Variants in CSMD3 observed in about 807,000 individuals in gnomAD.
CSMD3 encodes CUB and sushi domain-containing protein 3.
In CSMD3, 177 loss-of-function variants were observed where a neutral mutation model predicts 435.2. The observed-to-expected ratio is 0.41, with a 90% CI of 0.36 to 0.46. The LOEUF is 0.46. Ranked by LOEUF, CSMD3 falls within the 20% of genes least tolerant of loss-of-function variation. The probability of loss-of-function intolerance (pLI) is 0.34; values close to 1 mark genes in which losing one functional copy is unlikely to be tolerated. For synonymous variants in CSMD3, 1,656 were observed against 1,520.5 expected (o/e 1.09, Z -2.07); for missense variants, 4,265 against 4,504.6 (o/e 0.95, Z 1.52).
At chr8:112,951,783 A>C (rs1274308579) in intron 8 of CSMD3, among the ~76,000 whole-genome samples, 1 of 151,764 alleles carries the variant, frequency 6.6e-6, no homozygotes, top group African/African-American at 2.4e-5. Flanking sequence ...TTTGAAGAAT[A>C]AGAAAGAAAA....
rs1298130803 is a variant in CSMD3, at chr8:112,503,974, A to G, written c.4899T>C (p.Phe1633=). 6.3e-7 allele frequency: 1 copy of G among 1,577,138 alleles called. No homozygotes were observed. The highest frequency in any genetic ancestry group is 8.7e-7 in the Non-Finnish European group (1 of 1,150,128). The change falls in exon 30 of 71, where the codon TTT becomes TTC. Residue 1633 remains phenylalanine (F), a synonymous_variant. Coordinates refer to ENST00000297405, the MANE Select transcript of CSMD3 (RefSeq NM_198123.2). ...GGAAGTCATAGTTTGGTTCTATGCT[A>G]AAACTGAAAAAAAAAAGGAAAGAAC... ...DYVISLAFIS[F]SIEPNYDFLY... is the part of the protein sequence containing the mutation.
At chr8:112,770,794 A>T (rs2078094281) in intron 13 of CSMD3, among the ~76,000 whole-genome samples, 1 of 152,024 alleles carries the variant, frequency 6.6e-6, no homozygotes, top group East Asian at 1.9e-4. Flanking sequence ...TTTTGAGAAA[A>T]GAATGAGACT....
chr8:113,060,671 A>C (rs2088574215), intron 5 of CSMD3, among the ~76,000 whole-genome samples: 1 of 152,092 alleles, frequency 6.6e-6, no homozygotes, highest in Non-Finnish European at 1.5e-5. Context: ...AAAAATATTA[A>C]GTTCATATTA....
chr8:112,337,259 T>C (rs1438491085), intron 43 of CSMD3, among the ~76,000 whole-genome samples: 2 of 152,150 alleles, frequency 1.3e-5, no homozygotes, highest in African/African-American at 4.8e-5. Context: ...ATGACTTAAA[T>C]GCATACAAAC....
chr8:112,943,947 T>A (rs1402980851), intron 9 of CSMD3, among the ~76,000 whole-genome samples: 1 of 151,692 alleles, frequency 6.6e-6, no homozygotes, highest in African/African-American at 2.4e-5. Flanking sequence ...GAGTTTATCA[T>A]ACTTTTGCAC....
chr8:112,620,166 G>A (rs976870091), intron 22 of CSMD3, among the ~76,000 whole-genome samples: 2 of 151,950 alleles, frequency 1.3e-5, no homozygotes, highest in Admixed American at 6.6e-5. Context: ...TCAGGTCATA[G>A]GAAAAAAATA....
At chr8:113,381,305 A>G (rs1260225194) in intron 1 of CSMD3, among the ~76,000 whole-genome samples, 1 of 152,174 alleles carries the variant, frequency 6.6e-6, no homozygotes, top group Non-Finnish European at 1.5e-5. Flanking sequence ...AAAATGAAGC[A>G]TTTATATATG....
intron 2 of CSMD3, among the ~76,000 whole-genome samples, chr8:113,294,165 G>A (rs182638977): frequency 6.6e-6 from 1 of 151,888 alleles, no homozygotes; most frequent in Non-Finnish European, 1.5e-5. Flanking sequence ...TAGCTAATTA[G>A]GAACATGAAA....
chr8:112,771,252 T>C (rs2078106648), intron 13 of CSMD3, among the ~76,000 whole-genome samples: 1 of 151,954 alleles, frequency 6.6e-6, no homozygotes, highest in South Asian at 2.1e-4. Flanking sequence ...TTTTAAAGTG[T>C]GTGGGGGCAG....
At chr8:112,545,022 A>G (rs1827018408) in intron 27 of CSMD3, among the ~76,000 whole-genome samples, 1 of 152,166 alleles carries the variant, frequency 6.6e-6, no homozygotes, top group African/African-American at 2.4e-5. Context: ...TCTGTAAATC[A>G]ACTGCTCAGT....
At chr8:112,731,292 T>C (rs1301429417) in intron 13 of CSMD3, among the ~76,000 whole-genome samples, 2 of 152,112 alleles carry the variant, frequency 1.3e-5, no homozygotes, top group Non-Finnish European at 2.9e-5. Context: ...GTGATAGTCA[T>C]TTTTTAAAAA....
In CSMD3 at chr8:113,118,526, G is replaced by A. The variant is rs150216592; in HGVS notation, c.710-19563C>T. 2.1e-3 allele frequency among the ~76,000 whole-genome samples: 327 copies of A among 152,218 alleles called. 4 individuals are homozygous for A. Among genetic ancestry groups the A allele is most frequent in the Non-Finnish European group, 2.8e-3 (190 of 68,014 alleles). ...GTAAAATTATTACTGACTGGGCATG[G>A]TGGCTAACATCTGTAATCCCAAAAC... On this transcript the variant is annotated intron_variant, in intron 4 of 70. Coordinates refer to ENST00000297405, the MANE Select transcript of CSMD3 (RefSeq NM_198123.2).
chr8:113,019,537 AT>A (rs1169860373), intron 5 of CSMD3, among the ~76,000 whole-genome samples: 1 of 148,792 alleles, frequency 6.7e-6, no homozygotes, highest in Non-Finnish European at 1.5e-5. Flanking sequence ...ATTGTTTATT[AT>A]TTATTATATC....
chr8:112,514,347 C>T (rs904350336), intron 28 of CSMD3, among the ~76,000 whole-genome samples: 1 of 152,142 alleles, frequency 6.6e-6, no homozygotes, highest in African/African-American at 2.4e-5. Flanking sequence ...CTTTAAATAG[C>T]ATTTAGAAAT....
chr8:113,184,222 G>T (rs143802105), intron 3 of CSMD3, among the ~76,000 whole-genome samples: 240 of 152,098 alleles, frequency 1.6e-3, no homozygotes, highest in African/African-American at 5.7e-3. Flanking sequence ...CCCTGGAAGT[G>T]CCACCCTTCA....
chr8:113,098,121 A>T (rs1003038729), intron 5 of CSMD3, among the ~76,000 whole-genome samples: 2 of 151,994 alleles, frequency 1.3e-5, no homozygotes, highest in Non-Finnish European at 2.9e-5. Flanking sequence ...TTCTTAGCAA[A>T]TCTTCACATG....
At chr8:113,252,084 T>A (rs2132304183) in intron 3 of CSMD3, among the ~76,000 whole-genome samples, 1 of 152,188 alleles carries the variant, frequency 6.6e-6, no homozygotes, top group Admixed American at 6.5e-5. Context: ...GAGAGAAAAA[T>A]TTCCTTAAAA....
chr8:112,488,264 C>A (rs892605369), intron 31 of CSMD3, among the ~76,000 whole-genome samples: 1 of 152,050 alleles, frequency 6.6e-6, no homozygotes, highest in Non-Finnish European at 1.5e-5. Flanking sequence ...TGATTTGGTT[C>A]GGTTTGAGTT....
At chr8:112,816,677 C>T (rs2079384410) in intron 12 of CSMD3, among the ~76,000 whole-genome samples, 1 of 151,882 alleles carries the variant, frequency 6.6e-6, no homozygotes, top group Admixed American at 6.6e-5. Context: ...ATAGTAAAAA[C>T]AATAGTATAT....
Sources: allele counts gnomAD v4.1 joint callset (sites outside exome capture counted in the v4.1 genomes callset), GRCh38; gene constraint gnomAD v4.1.1; transcripts MANE v1.5; gene names NCBI Gene and HGNC (gene_info 2026-07-23, HGNC 2026-07-21).